The following ANKRD28 variants were observed in gnomAD, a reference collection of about 807,000 sequenced individuals.
ANKRD28 encodes the protein ankyrin repeat domain 28.
A neutral mutation model predicts 126.5 loss-of-function variants in ANKRD28; 44 were observed. The ratio of observed to expected loss-of-function variants is 0.35; its 90% CI spans 0.27 to 0.45. ANKRD28 has a LOEUF of 0.45. Among genes scored for constraint, ANKRD28 ranks in the 20% least tolerant of loss-of-function variants. The probability of loss-of-function intolerance (pLI) is 1.00; values close to 1 mark genes in which losing one functional copy is unlikely to be tolerated. For missense variants in ANKRD28, 1,110 were observed against 1,316.6 expected (o/e 0.84, Z 2.43); for synonymous variants, 442 against 468.5 (o/e 0.94, Z 0.73).
At chr3:15,848,566 T>C (rs986940724) in intron 1 of ANKRD28, among the ~76,000 whole-genome samples, 2 of 151,952 alleles carry the variant, frequency 1.3e-5, no homozygotes, top group African/African-American at 4.8e-5. Flanking sequence ...TCCCACCTAC[T>C]CAGGAGGCTG....
intron 1 of ANKRD28, among the ~76,000 whole-genome samples, chr3:15,806,594 T>G (rs1005153435): frequency 1.3e-5 from 2 of 151,996 alleles, no homozygotes; most frequent in African/African-American, 4.8e-5. Context: ...CAATCCCAGC[T>G]CACTGCAACC....
In ANKRD28 at chr3:15,670,516, C is replaced by T; in HGVS notation, c.3006G>A (p.Val1002=). 1 of 1,613,884 alleles carries T rather than the reference C, an allele frequency of 6.2e-7. No homozygotes were observed. Among genetic ancestry groups the T allele is most frequent in the Middle Eastern group, 1.6e-4 (1 of 6,062 alleles). ...CCAAAATGAGAGCCAGGCAATCAGCCACATCCTTATTGGGAGCACAGGCCA... is the reference window on the plus strand; with the variant it reads ...CCAAAATGAGAGCCAGGCAATCAGCTACATCCTTATTGGGAGCACAGGCCA... ...PALACAPNKD[V]ADCLALILAT... Residue 1002 remains valine, a synonymous_variant, in exon 28 of 28, where the codon GTG becomes GTA. Coordinates refer to ENST00000683139, the MANE Select transcript of ANKRD28 (RefSeq NM_001349278.2).
rs2071690341 is a variant in ANKRD28 at position 15,708,016 on chromosome 3, A to C, written c.1455T>G (p.Phe485Leu). 6.2e-7 allele frequency: 1 copy of C among 1,611,062 alleles called. No individual in the cohort carries two copies. Among genetic ancestry groups the C allele is most frequent in the African/African-American group, 1.3e-5 (1 of 75,020 alleles). The change falls in exon 14 of 28, where the codon TTT becomes TTG. Residue 485 changes from phenylalanine to leucine, a missense_variant. Transcript: ENST00000683139. ...AAANCNYQCLFALVGSGASVN... is the reference protein window; with the variant it reads ...AAANCNYQCLLALVGSGASVN... ...CACTTGCTCCTGATCCCACAAGAGCAAACAGGCACTGGTAATTGCAGTTGG... is the reference window on the plus strand; with the variant it reads ...CACTTGCTCCTGATCCCACAAGAGCCAACAGGCACTGGTAATTGCAGTTGG...
intron 2 of ANKRD28, among the ~76,000 whole-genome samples, chr3:15,777,271 C>CA (rs148444429): frequency 0.029 from 3,193 of 111,500 alleles, 57 homozygotes; most frequent in South Asian, 0.07. Context: ...GACTCCGTCT[C>CA]AAAAAAAAAA....
intron 1 of ANKRD28, among the ~76,000 whole-genome samples, chr3:15,852,144 G>C (rs1468957106): frequency 6.6e-6 from 1 of 151,944 alleles, no homozygotes; most frequent in East Asian, 1.9e-4. Flanking sequence ...GCACAGTTTT[G>C]TGAATATATT....
At position 15,749,095 on chromosome 3, in the gene ANKRD28, G is replaced by GTTTTTTTTTTTTTTTTT. The variant is rs1357402514; in HGVS notation, c.351+2654_351+2655insAAAAAAAAAAAAAAAAA. Among the ~76,000 whole-genome samples, 18 of 106,998 alleles carry GTTTTTTTTTTTTTTTTT rather than the reference G, an allele frequency of 1.7e-4. 6 individuals are homozygous for GTTTTTTTTTTTTTTTTT. The highest frequency in any genetic ancestry group is 9.9e-4 in the East Asian group (3 of 3,032). The allele number at this position is 106,998 out of a possible 152,430, so 70.2% of individuals were successfully genotyped here. On this transcript the variant is annotated intron_variant, in intron 4 of 27. Transcript: ENST00000683139. ...ATTTTCCTTTCATATTCTATATTAT[G>GTTTTTTTTTTTTTTTTT]TTTTTGTTTTTTTTTTTTTTTTTTT...
chr3:15,688,438 A>G (rs957318961), intron 18 of ANKRD28, among the ~76,000 whole-genome samples: 1 of 152,228 alleles, frequency 6.6e-6, no homozygotes, highest in Non-Finnish European at 1.5e-5. Context: ...AAAGTGATAT[A>G]TAACTTCACT....
At chr3:15,813,554 T>G (rs925311936) in intron 1 of ANKRD28, among the ~76,000 whole-genome samples, 7 of 152,164 alleles carry the variant, frequency 4.6e-5, no homozygotes, top group African/African-American at 1.7e-4. Flanking sequence ...ACCTTGGTAA[T>G]GACAAAAAAA....
At chr3:15,708,131 T>G in intron 13 of ANKRD28, 67 bp from the exon 14 acceptor site, 2 of 1,511,908 alleles carry the variant, frequency 1.3e-6, no homozygotes, top group Non-Finnish European at 1.8e-6. Context: ...AAAAGCATAG[T>G]TGACTCTTAC....
chr3:15,685,351 A>G lies in ANKRD28; in HGVS notation c.2264T>C (p.Leu755Pro), dbSNP rs2067988339. Residue 755 changes from leucine to proline, a missense_variant, in exon 21 of 28, where the codon CTG becomes CCG. Physicochemically the swap from Leu to Pro is moderately conservative, Grantham distance 98 (BLOSUM62 -3). Coordinates refer to ENST00000683139, the MANE Select transcript of ANKRD28 (RefSeq NM_001349278.2). Reference protein sequence around the residue: ...RDSRGRTPIHLSAACGHIGVL... With the variant: ...RDSRGRTPIHPSAACGHIGVL... ...ACCAATGTGTCCACAGGCAGCAGACAGGTGTATAGGCGTCCGGCCCCTGCT... is the reference window on the plus strand; with the variant it reads ...ACCAATGTGTCCACAGGCAGCAGACGGGTGTATAGGCGTCCGGCCCCTGCT... The G allele has an allele frequency of 3.1e-6, 5 of 1,614,050 alleles. No individual in the cohort carries two copies. The highest frequency in any genetic ancestry group is 4.2e-6 in the Non-Finnish European group (5 of 1,179,876).
intron 14 of ANKRD28, among the ~76,000 whole-genome samples, chr3:15,699,452 G>A (rs181607728): frequency 6.6e-6 from 1 of 152,260 alleles, no homozygotes; most frequent in East Asian, 1.9e-4. Context: ...AGAGTGAACA[G>A]GCAATCTACA....
At position 15,817,408 on chromosome 3, in the gene ANKRD28, T is replaced by C. The variant is rs2060854825; in HGVS notation, c.28-22102A>G. On this transcript the variant is annotated intron_variant, in intron 1 of 27. Coordinates refer to the ANKRD28 transcript ENST00000399451. The surrounding 1 kb of genome is among the most constrained non-coding windows in gnomAD (Gnocchi z 4.5). ...TTCCTAGAGCTACCGGTAGGCACCA[T>C]TTCTTATTGCTCTAAGTACTCACCT... Among the ~76,000 whole-genome samples, 1 of 152,174 alleles carries C rather than the reference T, an allele frequency of 6.6e-6. No individual in the cohort carries two copies. Among genetic ancestry groups the C allele is most frequent in the African/African-American group, 2.4e-5 (1 of 41,452 alleles).
At chr3:15,741,689 G>A (rs1244826623) in intron 4 of ANKRD28, among the ~76,000 whole-genome samples, 5 of 58,830 alleles carry the variant, frequency 8.5e-5, no homozygotes, top group Non-Finnish European at 1.3e-4. Context: ...TTCCCCTTTG[G>A]TTCTATCCTT....
chr3:15,672,339 G>A (rs755662829), intron 27 of ANKRD28, among the ~76,000 whole-genome samples: 4 of 151,868 alleles, frequency 2.6e-5, no homozygotes, highest in African/African-American at 4.8e-5. Context: ...ACAGGGTCTC[G>A]CTTTGTTCCC....
At chr3:15,753,663 AG>A (rs201791691) in intron 3 of ANKRD28, among the ~76,000 whole-genome samples, 1,935 of 152,232 alleles carry the variant, frequency 0.013, 43 homozygotes, top group African/African-American at 0.044. Flanking sequence ...GGAGAATAGA[AG>A]GGCACAGGGG....
rs2061725848 is a variant in ANKRD28 at position 15,854,729 on chromosome 3, C to T, written c.27+4648G>A. Among the ~76,000 whole-genome samples the T allele has an allele frequency of 1.3e-5, 2 of 152,010 alleles. No homozygotes were observed. The highest frequency in any genetic ancestry group is 4.8e-5 in the African/African-American group (2 of 41,396). ...GGGTAGAGATGGTAGCTACTTCACCCTTGTGTCCCCTGTCATCTCCAGCAC... is the reference window on the plus strand; with the variant it reads ...GGGTAGAGATGGTAGCTACTTCACCTTTGTGTCCCCTGTCATCTCCAGCAC... On this transcript the variant is annotated intron_variant, in intron 1 of 27. Transcript: ENST00000399451. The surrounding 1 kb of genome is among the most constrained non-coding windows in gnomAD (Gnocchi z 4.1).
At chr3:15,792,153 C>T (rs1408275977) in intron 2 of ANKRD28, among the ~76,000 whole-genome samples, 1 of 152,150 alleles carries the variant, frequency 6.6e-6, no homozygotes, top group Non-Finnish European at 1.5e-5. Context: ...CTACGGAGAA[C>T]AGTTTGGAGG....
In ANKRD28 at chr3:15,785,215, C is replaced by T. The variant is rs562508081; in HGVS notation, c.201+10008G>A. ...AAAGGCATGTTCAATGAAGAAGAAT[C>T]GATAAGCTGTGACTTCGTTAAAATT... On this transcript the variant is annotated intron_variant, in intron 2 of 27. Transcript: ENST00000683139. Among the ~76,000 whole-genome samples, 16 of 152,136 alleles carry T rather than the reference C, an allele frequency of 1.1e-4. 1 individual carries two copies. In the South Asian group the frequency reaches 3.3e-3, roughly 32 times the overall value.
chr3:15,855,526 A>T, intron 1 of ANKRD28, among the ~76,000 whole-genome samples: 1 of 152,358 alleles, frequency 6.6e-6, no homozygotes, highest in East Asian at 1.9e-4. Context: ...ACTATCCCAG[A>T]TTACACATAT....
Sources: gnomAD v4.1 joint callset for allele counts (sites outside exome capture counted in the v4.1 genomes callset) on GRCh38, gnomAD v4.1.1 for gene constraint, Gnocchi (gnomAD v3.1) non-coding constraint, MANE v1.5 for transcripts, NCBI Gene and HGNC (gene_info 2026-07-23, HGNC 2026-07-21) for gene names.